The following PLXND1 variants were observed in gnomAD, a reference collection of about 807,000 sequenced individuals.
PLXND1 encodes plexin D1, also known as plexin-D1.
PLXND1 carries 54 observed loss-of-function variants against 197.7 expected under a neutral mutation model. That is an observed-to-expected ratio of 0.27 (90% CI 0.22 to 0.34). The LOEUF (loss-of-function observed/expected upper bound fraction) is 0.34, where lower values mean the gene tolerates loss of function less well. PLXND1 is among the 10% of genes least tolerant of loss of function. PLXND1 has a pLI of 1.00. For missense variants in PLXND1, 2,127 were observed against 2,699.2 expected (o/e 0.79, Z 4.70); for synonymous variants, 1,180 against 1,161.2 (o/e 1.02, Z -0.33).
rs775551154 is a variant in PLXND1 at position 129,556,332 on chromosome 3, C to T, written c.5758G>A (p.Glu1920Lys). The T allele has an allele frequency of 1.1e-4, 181 of 1,612,168 alleles. 2 individuals are homozygous for T. Among genetic ancestry groups the T allele is most frequent in the South Asian group, 8.2e-4 (75 of 91,046 alleles). ...GTGTCTCAGGCCTCACTGTAGCACTCGTAGATGTTGTCCTCCATCAAAGCC... is the reference window on the plus strand; with the variant it reads ...GTGTCTCAGGCCTCACTGTAGCACTTGTAGATGTTGTCCTCCATCAAAGCC... The part of the protein sequence containing the change: ...VVALMEDNIY[E>K]CYSEA Residue 1920 changes from glutamate (E) to lysine (K), a missense_variant, in exon 36 of 36, where the codon GAG becomes AAG. Physicochemically the swap from Glu to Lys is moderately conservative, Grantham distance 56 (BLOSUM62 1). Around this residue, in one of 6 missense-constraint regions of PLXND1, gnomAD observed 200 missense variants for 303.3 expected, o/e 0.66. Coordinates refer to ENST00000324093, the MANE Select transcript of PLXND1 (RefSeq NM_015103.3).
Position 129,577,158 on chromosome 3 carries a change from C to T in PLXND1, c.2346+1171G>A, listed in dbSNP as rs906087547. On this transcript the variant is annotated intron_variant, in intron 9 of 35. Transcript: ENST00000324093. This position sits in a 1 kb window ranked among gnomAD's most constrained non-coding sequence, Gnocchi z 5.0. Reference sequence around the variant, plus strand: ...CCCTCCTCTTAGTCCTCAGCCACCTCAGAACAGCACACCCGGCCCGTCCCA... The same window carrying T: ...CCCTCCTCTTAGTCCTCAGCCACCTTAGAACAGCACACCCGGCCCGTCCCA... Among the ~76,000 whole-genome samples the T allele has an allele frequency of 2.0e-5, 3 of 152,340 alleles. No individual in the cohort carries two copies. The highest frequency in any genetic ancestry group is 7.2e-5 in the African/African-American group (3 of 41,574).
rs189832202 is a variant in PLXND1 at position 129,565,436 on chromosome 3, G to A, written c.4425C>T (p.Ala1475=). ...GCAGCATGAGCTTGGGGTTCTTGGC[G>A]GCCGAGGCGTCAATGAGGTCCACCA... ...ELLVDLIDAS[A]AKNPKLMLRR... Residue 1475 remains alanine (A), a synonymous_variant, in exon 25 of 36, where the codon GCC becomes GCT. Transcript: ENST00000324093. 116 of 1,614,078 alleles carry A rather than the reference G, an allele frequency of 7.2e-5. No individual in the cohort carries two copies. The highest frequency in any genetic ancestry group is 3.3e-4 in the Middle Eastern group (2 of 6,062).
intron 1 of PLXND1, among the ~76,000 whole-genome samples, chr3:129,594,728 T>C (rs976879062): frequency 2.6e-5 from 4 of 152,194 alleles, no homozygotes; most frequent in Non-Finnish European, 5.9e-5. Context: ...GTTGGCTTCT[T>C]AGTTTTGACA....
At chr3:129,573,016 C>A (rs1258180561) in intron 13 of PLXND1, 75 bp from the exon 14 acceptor site, 2 of 994,914 alleles carry the variant, frequency 2.0e-6, no homozygotes, top group Admixed American at 3.8e-5. Flanking sequence ...CAGGGATCGC[C>A]CCATTCCACG....
In PLXND1 at chr3:129,572,631, T is replaced by A; in HGVS notation, c.3055A>T (p.Thr1019Ser). 1 of 1,586,256 alleles carries A rather than the reference T, an allele frequency of 6.3e-7. No individual in the cohort carries two copies. The highest frequency in any genetic ancestry group is 8.6e-7 in the Non-Finnish European group (1 of 1,166,140). Residue 1019 changes from threonine to serine, a missense_variant, in exon 15 of 36, where the codon ACA (threonine) becomes TCA (serine). Physicochemically the swap from Thr to Ser is moderately conservative, Grantham distance 58 (BLOSUM62 1). Coordinates refer to ENST00000324093, the MANE Select transcript of PLXND1 (RefSeq NM_015103.3). ...GSELQVLVND[T>S]DPCTELMRTD... ...TACATCAGCTCCGTGCAGGGGTCTG[T>A]GTCGTTCACCAGGACCTGGAGCTCG...
intron 15 of PLXND1, 22 bp downstream of exon 15, chr3:129,572,587 T>C (rs546471934): frequency 4.0e-6 from 6 of 1,486,408 alleles, no homozygotes; most frequent in East Asian, 4.7e-5. Flanking sequence ...CTGGAAGGGA[T>C]GGGCCAGGCC....
chr3:129,605,308 G>T lies in PLXND1; in HGVS notation c.1311+21C>A. ...CCCCGCCGCCGCCGCCGCCGCCGCC[G>T]CCGCCACCGCCCGGGTGTACCTGGA... On this transcript the variant is annotated intron_variant, in intron 1 of 35. Coordinates refer to ENST00000324093, the MANE Select transcript of PLXND1 (RefSeq NM_015103.3). 2 of 1,159,340 alleles carry T rather than the reference G, an allele frequency of 1.7e-6. 1 individual carries two copies. Among genetic ancestry groups the T allele is most frequent in the South Asian group, 6.3e-5 (2 of 31,586 alleles). 71.8% of individuals were successfully genotyped at this position (1,159,340 alleles called of 1,614,324 possible). A position where few individuals can be genotyped will look rare whatever the true frequency, so the allele number is the denominator to read the frequency against.
rs2245281 is a variant in PLXND1, at chr3:129,567,688, C to T, written c.3973+10G>A. On this transcript the variant is annotated intron_variant, in intron 21 of 35. Transcript: ENST00000324093. ...TTGAGGCCCAGCCCTGCAGGGTCCC[C>T]GCCCACTACCTTTGCGGATTTCCTC... The T allele has an allele frequency of 1.2e-4, 199 of 1,592,922 alleles. No individual in the cohort carries two copies. The highest frequency in any genetic ancestry group is 1.2e-3 in the East Asian group (53 of 44,728).
At chr3:129,592,109 C>A (rs146899258) in intron 1 of PLXND1, among the ~76,000 whole-genome samples, 48 of 152,160 alleles carry the variant, frequency 3.2e-4, no homozygotes, top group South Asian at 8.3e-4. Context: ...CATTCCCCCC[C>A]ACCCGAGAGC....
At chr3:129,597,234 T>C (rs1218954419) in intron 1 of PLXND1, among the ~76,000 whole-genome samples, 1 of 151,642 alleles carries the variant, frequency 6.6e-6, no homozygotes, top group Non-Finnish European at 1.5e-5. Flanking sequence ...ATCCCCGCCC[T>C]TAACCACAGC....
chr3:129,592,786 G>C (rs1207382158), intron 1 of PLXND1, among the ~76,000 whole-genome samples: 1 of 152,218 alleles, frequency 6.6e-6, no homozygotes, highest in Non-Finnish European at 1.5e-5. Flanking sequence ...TTCCGAGGGG[G>C]AAGCTGATTC....
intron 18 of PLXND1, 21 bp downstream of exon 18, chr3:129,571,019 C>T: frequency 6.2e-7 from 1 of 1,613,198 alleles, no homozygotes; most frequent in Non-Finnish European, 8.5e-7. Flanking sequence ...CCCCGCCTAC[C>T]CCGGCCCCTT....
intron 20 of PLXND1, among the ~76,000 whole-genome samples, chr3:129,568,050 T>A (rs2085168519): frequency 6.6e-6 from 1 of 151,050 alleles, no homozygotes; most frequent in African/African-American, 2.4e-5. Context: ...GAAAAAGAAG[T>A]GTGTAGTGTT....
chr3:129,580,808 G>C (rs1275725293), intron 8 of PLXND1, among the ~76,000 whole-genome samples: 1 of 151,832 alleles, frequency 6.6e-6, no homozygotes, highest in East Asian at 1.9e-4. Context: ...GAATCCACCT[G>C]GTCCCTCCCT....
At position 129,570,867 on chromosome 3, in the gene PLXND1, G is replaced by A. The variant is rs767615297; in HGVS notation, c.3669C>T (p.Asp1223=). ...TGATTCTGTCAGAGACAATCTGGAT[G>A]TCGCAGCTTACTTGGCCTATCTTGA... is the stretch of plus-strand genomic sequence containing the variant. ...YRVKIGQVSC[D]IQIVSDRIIH... The change falls in exon 19 of 36, where the codon GAC becomes GAT. Residue 1223 remains aspartate, a synonymous_variant. Transcript: ENST00000324093. 1.2e-6 allele frequency: 2 copies of A among 1,614,178 alleles called. No individual in the cohort carries two copies. The highest frequency in any genetic ancestry group is 1.7e-6 in the Non-Finnish European group (2 of 1,179,976).
rs537019103 is a variant in PLXND1, at chr3:129,586,569, G to A, written c.1620+19C>T. The A allele has an allele frequency of 2.6e-6, 4 of 1,561,314 alleles. No homozygotes were observed. In the African/African-American group the frequency reaches 5.4e-5, roughly 21 times the overall value. ...TCGGCTGGTGCTGGGATGGCGTTGG[G>A]CTGGGGCTCTGGCCTCACCTGGTGG... On this transcript the variant is annotated intron_variant, in intron 3 of 35. Transcript: ENST00000324093.
intron 10 of PLXND1, 60 bp downstream of exon 10, chr3:129,575,706 T>C: frequency 1.5e-6 from 2 of 1,304,304 alleles, no homozygotes; most frequent in Non-Finnish European, 2.2e-6. Flanking sequence ...GGGTGAGGGG[T>C]ACAGCATCTG....
rs2085340542 is a variant in PLXND1, at chr3:129,578,240, G to T, written c.2346+89C>A. On this transcript the variant is annotated intron_variant, in intron 9 of 35. Coordinates refer to ENST00000324093, the MANE Select transcript of PLXND1 (RefSeq NM_015103.3). ...GCACTGCAGTGGGCCCAGAGCAGGG[G>T]TCACACCAGGACATGGGGGCAGTTA... is the stretch of plus-strand genomic sequence containing the variant. 3.7e-6 allele frequency: 3 copies of T among 800,854 alleles called. No individual in the cohort carries two copies. The South Asian group carries it at 4.3e-5, about 12-fold the overall frequency. 49.6% of individuals were successfully genotyped at this position (800,854 alleles called of 1,614,324 possible).
intron 2 of PLXND1, among the ~76,000 whole-genome samples, chr3:129,587,077 G>C (rs1213987460): frequency 6.6e-6 from 1 of 152,194 alleles, no homozygotes; most frequent in East Asian, 1.9e-4. Flanking sequence ...TCTACAATGT[G>C]TAAGTTGTAC....
Sources: gnomAD v4.1 joint callset for allele counts (sites outside exome capture counted in the v4.1 genomes callset) on GRCh38, gnomAD v4.1.1 for gene constraint, gnomAD v4.1.1 regional missense constraint, Gnocchi (gnomAD v3.1) non-coding constraint, MANE v1.5 for transcripts, NCBI Gene and HGNC (gene_info 2026-07-23, HGNC 2026-07-21) for gene names.